GPC5: variants seen among roughly 807,000 people sequenced by gnomAD.
The protein encoded by GPC5 is glypican 5, also known as glypican-5.
A neutral mutation model predicts 53.9 loss-of-function variants in GPC5; 47 were observed. The ratio of observed to expected loss-of-function variants is 0.87; its 90% CI spans 0.69 to 1.11. The LOEUF is 1.11. Among genes scored for constraint, GPC5 ranks in the 50% most tolerant of loss-of-function variants. The probability of loss-of-function intolerance (pLI) is 0.00; values close to 1 mark genes in which losing one functional copy is unlikely to be tolerated. For synonymous variants in GPC5, 286 were observed against 263.3 expected, an observed-to-expected ratio of 1.09 and a Z score of -0.84; for missense variants, 748 against 713.1, an observed-to-expected ratio of 1.05 and a Z score of -0.56.
At chr13:92,367,096 C>A (rs1394287929) in intron 7 of GPC5, among the ~76,000 whole-genome samples, 1 of 151,946 alleles carries the variant, frequency 6.6e-6, no homozygotes, top group South Asian at 2.1e-4. Context: ...TCAAAGTCTG[C>A]ACTAGTAAGG....
intron 6 of GPC5, among the ~76,000 whole-genome samples, chr13:91,979,763 A>G (rs2040340744): frequency 6.6e-6 from 1 of 152,142 alleles, no homozygotes; most frequent in Admixed American, 6.5e-5. Context: ...TTTACACTTA[A>G]AGAAATTCCT....
intron 7 of GPC5, among the ~76,000 whole-genome samples, chr13:92,669,077 AAAT>A (rs1267633331): frequency 6.6e-6 from 1 of 152,132 alleles, no homozygotes; most frequent in South Asian, 2.1e-4. Flanking sequence ...CAAAAAATTC[AAAT>A]AATGACTCCA....
chr13:92,230,548 G>A (rs2042522453), intron 7 of GPC5, among the ~76,000 whole-genome samples: 1 of 152,110 alleles, frequency 6.6e-6, no homozygotes, highest in Non-Finnish European at 1.5e-5. Flanking sequence ...TGCAATCTGT[G>A]ATAATCTTTT....
At chr13:92,467,124 C>T (rs1878725064) in intron 7 of GPC5, among the ~76,000 whole-genome samples, 1 of 152,112 alleles carries the variant, frequency 6.6e-6, no homozygotes, top group Admixed American at 6.6e-5. Context: ...GCAAGCCTTT[C>T]TCAAATGGCT....
At chr13:92,145,822 G>T (rs2041863034) in intron 7 of GPC5, among the ~76,000 whole-genome samples, 1 of 152,142 alleles carries the variant, frequency 6.6e-6, no homozygotes, top group South Asian at 2.1e-4. Flanking sequence ...ATATGTAGAG[G>T]TTGGTCTGAT....
intron 7 of GPC5, among the ~76,000 whole-genome samples, chr13:92,855,851 C>T (rs1347281935): frequency 2.0e-5 from 3 of 151,756 alleles, no homozygotes; most frequent in East Asian, 1.9e-4. Flanking sequence ...AAATTAAATC[C>T]GTAATAAATT....
chr13:91,570,618 C>T (rs769852718), intron 2 of GPC5, among the ~76,000 whole-genome samples: 5 of 152,098 alleles, frequency 3.3e-5, no homozygotes, highest in Non-Finnish European at 5.9e-5. Context: ...TATATGCTTT[C>T]GAGCAATTAC....
chr13:91,406,796 G>A lies in GPC5; in HGVS notation c.163+7587G>A, dbSNP rs1439865339. Among the ~76,000 whole-genome samples the A allele has an allele frequency of 4.6e-5, 7 of 152,090 alleles. No homozygotes were observed. In the South Asian group the frequency reaches 8.3e-4, roughly 18 times the overall value. On this transcript the variant is annotated intron_variant, in intron 1 of 7. Coordinates refer to ENST00000377067, the MANE Select transcript of GPC5 (RefSeq NM_004466.6). Reference sequence around the variant, plus strand: ...AAGGTCTCCTGTTGTGAGGGACTTCGCCTCTTGGCAACCTGTCAAAGCACC... The same window carrying A: ...AAGGTCTCCTGTTGTGAGGGACTTCACCTCTTGGCAACCTGTCAAAGCACC...
At chr13:91,554,741 G>A (rs947281615) in intron 2 of GPC5, among the ~76,000 whole-genome samples, 5 of 151,988 alleles carry the variant, frequency 3.3e-5, no homozygotes, top group South Asian at 2.1e-4. Context: ...ATAGTACTCC[G>A]TTTTCATGTA....
intron 6 of GPC5, among the ~76,000 whole-genome samples, chr13:91,974,296 G>A (rs952596449): frequency 6.6e-6 from 1 of 152,180 alleles, no homozygotes; most frequent in Non-Finnish European, 1.5e-5. Context: ...ATGAAATAAA[G>A]GGTATTCAAT....
chr13:91,649,331 T>C (rs1197750237), intron 2 of GPC5, among the ~76,000 whole-genome samples: 1 of 152,212 alleles, frequency 6.6e-6, no homozygotes, highest in Non-Finnish European at 1.5e-5. Flanking sequence ...TCCTCTACAT[T>C]GGATATACCA....
At chr13:91,987,908 TAC>T (rs1351375981) in intron 6 of GPC5, among the ~76,000 whole-genome samples, 1 of 145,670 alleles carries the variant, frequency 6.9e-6, no homozygotes, top group Non-Finnish European at 1.5e-5. Flanking sequence ...TATATAATCA[TAC>T]GATGTAGTAT....
At position 92,625,802 on chromosome 13, in the gene GPC5, T is replaced by C. The variant is rs552268650; in HGVS notation, c.1562-240480T>C. Among the ~76,000 whole-genome samples the C allele has an allele frequency of 3.3e-5, 5 of 152,294 alleles. No individual in the cohort carries two copies. In the South Asian group the frequency reaches 8.3e-4, roughly 25 times the overall value. Reference sequence around the variant, plus strand: ...AAATTAAGTGTAGGCATAGGACACATTATCTAAGCTTTTGGTCCAAGGGAC... The same window carrying C: ...AAATTAAGTGTAGGCATAGGACACACTATCTAAGCTTTTGGTCCAAGGGAC... On this transcript the variant is annotated intron_variant, in intron 7 of 7. Coordinates refer to ENST00000377067, the MANE Select transcript of GPC5 (RefSeq NM_004466.6).
At chr13:91,504,042 G>A (rs2139306775) in intron 2 of GPC5, among the ~76,000 whole-genome samples, 1 of 151,902 alleles carries the variant, frequency 6.6e-6, no homozygotes, top group African/African-American at 2.4e-5. Flanking sequence ...GAAATCTATT[G>A]ATAACATTTC....
chr13:92,657,015 T>C (rs567855617), intron 7 of GPC5, among the ~76,000 whole-genome samples: 19 of 152,190 alleles, frequency 1.2e-4, no homozygotes, highest in Non-Finnish European at 2.5e-4. Flanking sequence ...CTAGATATTT[T>C]CAAAACACAA....
intron 7 of GPC5, among the ~76,000 whole-genome samples, chr13:92,429,425 T>C (rs1436489658): frequency 6.6e-6 from 1 of 151,788 alleles, no homozygotes; most frequent in African/African-American, 2.4e-5. Flanking sequence ...ATACTTAATA[T>C]ACTAATTTAA....
chr13:91,594,424 G>T (rs1212825429), intron 2 of GPC5, among the ~76,000 whole-genome samples: 4 of 152,130 alleles, frequency 2.6e-5, no homozygotes, highest in Non-Finnish European at 5.9e-5. Flanking sequence ...TGACAGAATT[G>T]TCAATGTAAA....
chr13:91,417,782 T>C (rs1206013952), intron 1 of GPC5, among the ~76,000 whole-genome samples: 1 of 152,184 alleles, frequency 6.6e-6, no homozygotes, highest in African/African-American at 2.4e-5. Flanking sequence ...TTGTAGTAGT[T>C]CTTATCATAG....
chr13:91,447,157 G>T (rs7996722), intron 1 of GPC5, among the ~76,000 whole-genome samples: 11,694 of 152,218 alleles, frequency 0.077, 1,443 homozygotes, highest in African/African-American at 0.26. Context: ...AGAGATATTT[G>T]CTATGATCTG....
Sources: allele counts gnomAD v4.1 joint callset (sites outside exome capture counted in the v4.1 genomes callset), GRCh38; gene constraint gnomAD v4.1.1; transcripts MANE v1.5; gene names NCBI Gene and HGNC (gene_info 2026-07-23, HGNC 2026-07-21).